The following SSH1 variants were observed in gnomAD, a reference collection of about 807,000 sequenced individuals.
SSH1 encodes protein phosphatase Slingshot homolog 1.
A neutral mutation model predicts 79.7 loss-of-function variants in SSH1; 43 were observed. That is an observed-to-expected ratio of 0.54 (90% CI 0.42 to 0.70). The LOEUF is 0.70. Ranked by LOEUF, SSH1 falls within the 30% of genes least tolerant of loss-of-function variation. SSH1 has a pLI of 0.00. For missense variants in SSH1, 1,206 were observed against 1,358.8 expected, an observed-to-expected ratio of 0.89 and a Z score of 1.77; for synonymous variants, 599 against 538.3, an observed-to-expected ratio of 1.11 and a Z score of -1.56.
chr12:108,794,458 C>G (rs1445757353), intron 13 of SSH1, among the ~76,000 whole-genome samples: 1 of 152,240 alleles, frequency 6.6e-6, no homozygotes, highest in Non-Finnish European at 1.5e-5. Flanking sequence ...CTCTCAGCGT[C>G]AGCTCCTTAT....
At chr12:108,832,308 C>A (rs1267448242) in intron 2 of SSH1, among the ~76,000 whole-genome samples, 1 of 151,032 alleles carries the variant, frequency 6.6e-6, no homozygotes, top group Non-Finnish European at 1.5e-5. Flanking sequence ...CCCACCCCCG[C>A]CTCCCAAAAG....
intron 2 of SSH1, among the ~76,000 whole-genome samples, chr12:108,842,894 C>T (rs1051647214): frequency 4.6e-5 from 7 of 152,174 alleles, no homozygotes; most frequent in Non-Finnish European, 7.3e-5. Flanking sequence ...ATTCAAATGT[C>T]CTTACAGGGT....
rs575764603 is a variant in SSH1, at chr12:108,799,396, C to T, written c.1149-196G>A. 1.3e-3 allele frequency among the ~76,000 whole-genome samples: 200 copies of T among 152,324 alleles called. 1 individual carries two copies. Among genetic ancestry groups the T allele is most frequent in the African/African-American group, 4.2e-3 (176 of 41,564 alleles). On this transcript the variant is annotated intron_variant, in intron 12 of 14. Transcript: ENST00000326495. ...GTCCACGCACTCTCTAAAGGAAATA[C>T]CACCACTGTAGAATCAATTAGCACA...
intron 2 of SSH1, among the ~76,000 whole-genome samples, chr12:108,841,070 T>C (rs2038765507): frequency 6.6e-6 from 1 of 152,218 alleles, no homozygotes; most frequent in Admixed American, 6.5e-5. Context: ...TCACCTAATC[T>C]TGTCTTTTCA....
At chr12:108,841,812 C>A (rs574848773) in intron 2 of SSH1, among the ~76,000 whole-genome samples, 11 of 145,556 alleles carry the variant, frequency 7.6e-5, no homozygotes, top group South Asian at 6.7e-4. Context: ...CATCCCCCCC[C>A]ACAAAAAAAA....
chr12:108,830,092 T>C (rs1316624125), intron 2 of SSH1, among the ~76,000 whole-genome samples: 1 of 151,914 alleles, frequency 6.6e-6, no homozygotes, highest in Non-Finnish European at 1.5e-5. Context: ...GGGAGACAGA[T>C]CTTGTCTCCA....
chr12:108,840,199 G>A (rs533026600), intron 2 of SSH1, among the ~76,000 whole-genome samples: 2 of 152,106 alleles, frequency 1.3e-5, no homozygotes, highest in South Asian at 2.1e-4. Flanking sequence ...AGGAGCCCCC[G>A]CACCCTCCAG....
At position 108,792,312 on chromosome 12, in the gene SSH1, T is replaced by C. The variant is rs775542874; in HGVS notation, c.1867A>G (p.Lys623Glu). Residue 623 changes from lysine (K) to glutamate (E), a missense_variant, in exon 14 of 15, where the codon AAG (lysine) becomes GAG (glutamate). Lys to Glu is a moderately conservative substitution (Grantham distance 56, BLOSUM62 1). This residue lies in a region of SSH1 where 709 missense variants were observed against 730.6 expected (regional missense o/e 0.97). Transcript: ENST00000326495. Reference protein sequence around the residue: ...LNSENLNNNSKRSCPNGMEDD... With the variant: ...LNSENLNNNSERSCPNGMEDD... ...TCCATGCCGTTGGGACAGCTCCTCTTGCTGTTGTTGTTTAGGTTCTCCGAG... is the reference window on the plus strand; with the variant it reads ...TCCATGCCGTTGGGACAGCTCCTCTCGCTGTTGTTGTTTAGGTTCTCCGAG... The C allele has an allele frequency of 8.1e-6, 13 of 1,614,042 alleles. No individual in the cohort carries two copies. In the East Asian group the frequency reaches 8.9e-5, roughly 11 times the overall value.
chr12:108,793,624 G>A (rs1240034550), intron 13 of SSH1, among the ~76,000 whole-genome samples: 2 of 151,892 alleles, frequency 1.3e-5, no homozygotes, highest in Non-Finnish European at 2.9e-5. Context: ...TTGTACTCCT[G>A]GTCTCAAGCG....
At chr12:108,846,338 C>A (rs1351734409) in intron 2 of SSH1, among the ~76,000 whole-genome samples, 2 of 152,066 alleles carry the variant, frequency 1.3e-5, no homozygotes, top group Non-Finnish European at 2.9e-5. Flanking sequence ...ACCCTGGGGA[C>A]AATATTATCT....
chr12:108,848,724 G>C (rs2038955604), intron 2 of SSH1, among the ~76,000 whole-genome samples: 1 of 152,198 alleles, frequency 6.6e-6, no homozygotes, highest in African/African-American at 2.4e-5. Flanking sequence ...CAAGGTGGCT[G>C]AAGAGGGGTT....
intron 4 of SSH1, 34 bp downstream of exon 4, chr12:108,818,215 A>C: frequency 6.2e-7 from 1 of 1,605,936 alleles, no homozygotes; most frequent in South Asian, 1.1e-5. Flanking sequence ...ATTAAAAAAA[A>C]ATTTTTTAAC....
chr12:108,802,050 G>C (rs1043255992), intron 11 of SSH1, among the ~76,000 whole-genome samples: 1 of 152,158 alleles, frequency 6.6e-6, no homozygotes, highest in East Asian at 1.9e-4. Flanking sequence ...ATATCCAGGC[G>C]GTCCTACAGC....
At chr12:108,818,120 C>T in intron 4 of SSH1, 129 bp downstream of exon 4, 1 of 754,736 alleles carries the variant, frequency 1.3e-6, no homozygotes, top group Non-Finnish European at 2.3e-6. Context: ...ATTGCTTGAA[C>T]CCAGGAGTTT....
At position 108,783,821 on chromosome 12, in the gene SSH1, CA is replaced by C. The variant is rs1395876716; in HGVS notation, c.*4166del. The stretch of plus-strand genomic sequence containing the variant: ...TGATAACAAAACAAGTGGCTGGGGA[CA>C]GGGGTCATTCAACAACCTTCATTTG... On this transcript the variant is annotated 3_prime_UTR_variant, in exon 15 of 15. Coordinates refer to ENST00000326495, the MANE Select transcript of SSH1 (RefSeq NM_018984.4). 2 of 152,252 alleles carry C rather than the reference CA, an allele frequency of 1.3e-5. No individual in the cohort carries two copies. The highest frequency in any genetic ancestry group is 2.4e-5 in the African/African-American group (1 of 41,424). The allele number at this position is 152,252 out of a possible 1,614,324, so 9.4% of individuals were successfully genotyped here.
chr12:108,820,805 C>T (rs1010170083), intron 3 of SSH1, among the ~76,000 whole-genome samples: 5 of 152,206 alleles, frequency 3.3e-5, no homozygotes, highest in African/African-American at 4.8e-5. Context: ...AAGGAACTAA[C>T]GTAAGTCTAG....
intron 13 of SSH1, among the ~76,000 whole-genome samples, chr12:108,793,869 C>T (rs77652821): frequency 0.018 from 2,689 of 152,296 alleles, 72 homozygotes; most frequent in African/African-American, 0.061. Context: ...CCTCTCTGCT[C>T]GGTGTGCACA....
chr12:108,834,919 G>A (rs942314366), intron 2 of SSH1, among the ~76,000 whole-genome samples: 3 of 152,286 alleles, frequency 2.0e-5, no homozygotes, highest in African/African-American at 7.2e-5. Context: ...ACTCACCCTG[G>A]TCATCTCTGT....
In SSH1 at chr12:108,792,624, G is replaced by A. The variant is rs1477193689; in HGVS notation, c.1555C>T (p.Leu519=). The change falls in exon 14 of 15, where the codon CTG becomes TTG. Residue 519 remains leucine (L), a synonymous_variant. Coordinates refer to ENST00000326495, the MANE Select transcript of SSH1 (RefSeq NM_018984.4). ...CCFRRLSDPL[L]PSPEDETGSL... The stretch of plus-strand genomic sequence containing the variant: ...CCAGTTTCATCCTCAGGGGAAGGCA[G>A]AAGGGGGTCTGAGAGTCGCCGGAAA... 1.9e-6 allele frequency: 3 copies of A among 1,612,262 alleles called. No individual in the cohort carries two copies.
Sources: allele counts gnomAD v4.1 joint callset (sites outside exome capture counted in the v4.1 genomes callset), GRCh38; gene constraint gnomAD v4.1.1; regional missense constraint gnomAD v4.1.1; transcripts MANE v1.5; gene names NCBI Gene and HGNC (gene_info 2026-07-23, HGNC 2026-07-21).